The following ZYG11B variants were observed in gnomAD, a reference collection of about 807,000 sequenced individuals.
ZYG11B encodes protein zyg-11 homolog B.
ZYG11B carries 36 observed loss-of-function variants against 82.4 expected under a neutral mutation model. The ratio of observed to expected loss-of-function variants is 0.44; its 90% CI spans 0.33 to 0.58. The LOEUF (loss-of-function observed/expected upper bound fraction) is 0.58. Ranked by LOEUF, ZYG11B falls within the 20% of genes least tolerant of loss-of-function variation. ZYG11B has a pLI of 0.02. For missense variants in ZYG11B, 552 were observed against 895.6 expected, an observed-to-expected ratio of 0.62 and a Z score of 4.90; for synonymous variants, 303 against 312.8, an observed-to-expected ratio of 0.97 and a Z score of 0.33.
Position 52,785,602 on chromosome 1 carries a change from G to A in ZYG11B, c.1269+549G>A, listed in dbSNP as rs148387876. Among the ~76,000 whole-genome samples, 1,280 of 152,112 alleles carry A rather than the reference G, an allele frequency of 8.4e-3. 17 individuals are homozygous for A. In the Middle Eastern group the frequency reaches 0.13, roughly 15 times the overall value. On this transcript the variant is annotated intron_variant, in intron 5 of 13. Transcript: ENST00000294353. ...CTCCCAAGTAGCTGGGATTACAGGC[G>A]CGCACCACCACACCCAACTAATTTT...
intron 10 of ZYG11B, among the ~76,000 whole-genome samples, chr1:52,805,947 A>AT (rs1645138634): frequency 6.6e-6 from 1 of 152,190 alleles, no homozygotes; most frequent in South Asian, 2.1e-4. Context: ...GCAAAACTGT[A>AT]TTTAACATCC....
intron 1 of ZYG11B, among the ~76,000 whole-genome samples, chr1:52,745,593 C>G (rs542903697): frequency 6.6e-6 from 1 of 152,114 alleles, no homozygotes; most frequent in Non-Finnish European, 1.5e-5. Context: ...GTTATGGAGT[C>G]TCACTCTGTT....
intron 1 of ZYG11B, among the ~76,000 whole-genome samples, chr1:52,745,123 A>G (rs1644465341): frequency 6.6e-6 from 1 of 152,230 alleles, no homozygotes; most frequent in Non-Finnish European, 1.5e-5. Flanking sequence ...TGGCTCTGGC[A>G]ATACAGTAAC....
intron 13 of ZYG11B, among the ~76,000 whole-genome samples, chr1:52,817,514 T>C (rs2149967243): frequency 6.6e-6 from 1 of 151,312 alleles, no homozygotes; most frequent in Non-Finnish European, 1.5e-5. Flanking sequence ...CCTCAGCTTG[T>C]AGCTAGGACT....
chr1:52,755,471 A>G (rs1644566431), intron 1 of ZYG11B, among the ~76,000 whole-genome samples: 1 of 151,920 alleles, frequency 6.6e-6, no homozygotes, highest in African/African-American at 2.4e-5. Flanking sequence ...TAGGTGTTGC[A>G]TTTCCATATG....
At chr1:52,821,352 A>G (rs1645281607) in intron 13 of ZYG11B, 87 bp from the exon 14 acceptor site, 6 of 1,407,270 alleles carry the variant, frequency 4.3e-6, no homozygotes, top group East Asian at 2.4e-5. Flanking sequence ...AATGGCTCCT[A>G]GAAGTCATTT....
At chr1:52,778,949 G>T (rs901130629) in intron 3 of ZYG11B, among the ~76,000 whole-genome samples, 3 of 152,056 alleles carry the variant, frequency 2.0e-5, no homozygotes, top group African/African-American at 7.2e-5. Context: ...AGCTATTGTG[G>T]TACAATGGTG....
At chr1:52,753,424 C>CT (rs3082846) in intron 1 of ZYG11B, among the ~76,000 whole-genome samples, 55,093 of 137,202 alleles carry the variant, frequency 0.4, 13,173 homozygotes, top group Non-Finnish European at 0.56. Context: ...TGTTGTTGTT[C>CT]TTTTTTTTTT....
intron 2 of ZYG11B, among the ~76,000 whole-genome samples, chr1:52,762,566 C>T (rs996634605): frequency 6.6e-6 from 1 of 151,496 alleles, no homozygotes; most frequent in Non-Finnish European, 1.5e-5. Context: ...GAAGTGTTTC[C>T]ACTATATTTT....
At chr1:52,764,498 G>C (rs1644664295) in intron 2 of ZYG11B, among the ~76,000 whole-genome samples, 1 of 152,042 alleles carries the variant, frequency 6.6e-6, no homozygotes, top group East Asian at 1.9e-4. Flanking sequence ...CTGAGTCCTG[G>C]TTCCAACATT....
At chr1:52,759,069 C>T (rs1262031361) in intron 2 of ZYG11B, among the ~76,000 whole-genome samples, 3 of 151,994 alleles carry the variant, frequency 2.0e-5, no homozygotes, top group East Asian at 1.9e-4. Context: ...GTAGCTGGGA[C>T]TACAGGTGCC....
At chr1:52,819,940 G>A (rs1387460134) in intron 13 of ZYG11B, among the ~76,000 whole-genome samples, 6 of 148,652 alleles carry the variant, frequency 4.0e-5, no homozygotes, top group African/African-American at 1.2e-4. Context: ...TTTTTGAGAC[G>A]GAGTCTTGCT....
intron 10 of ZYG11B, among the ~76,000 whole-genome samples, chr1:52,812,962 C>T (rs1287137939): frequency 6.6e-6 from 1 of 152,124 alleles, no homozygotes; most frequent in East Asian, 1.9e-4. Flanking sequence ...CCCAACCTCT[C>T]AGGTATGAGC....
chr1:52,738,427 C>T (rs1171851572), intron 1 of ZYG11B, among the ~76,000 whole-genome samples: 5 of 151,924 alleles, frequency 3.3e-5, no homozygotes, highest in East Asian at 1.9e-4. Context: ...GTGATCTGCC[C>T]GCCTCGGCCT....
intron 10 of ZYG11B, among the ~76,000 whole-genome samples, chr1:52,803,568 T>C (rs1386454787): frequency 1.3e-5 from 2 of 151,994 alleles, no homozygotes; most frequent in South Asian, 2.1e-4. Flanking sequence ...TTTTTTGGTA[T>C]TGTACAAAGT....
At chr1:52,766,838 C>G (rs1383263820) in intron 2 of ZYG11B, among the ~76,000 whole-genome samples, 2 of 152,016 alleles carry the variant, frequency 1.3e-5, no homozygotes, top group Non-Finnish European at 2.9e-5. Context: ...GAAACCCCGT[C>G]TCTACTAAAA....
chr1:52,728,720 C>T (rs1644304562), intron 1 of ZYG11B, among the ~76,000 whole-genome samples: 1 of 152,080 alleles, frequency 6.6e-6, no homozygotes, highest in African/African-American at 2.4e-5. Flanking sequence ...TTATGAACTC[C>T]CCTTTGAGGT....
chr1:52,811,347 A>G (rs1328638257), intron 10 of ZYG11B, among the ~76,000 whole-genome samples: 1 of 152,126 alleles, frequency 6.6e-6, no homozygotes, highest in Non-Finnish European at 1.5e-5. Context: ...TGCTTCTTCT[A>G]TGACTTCAGT....
intron 1 of ZYG11B, among the ~76,000 whole-genome samples, chr1:52,751,490 C>T (rs1409905725): frequency 2.6e-5 from 4 of 151,940 alleles, no homozygotes; most frequent in African/African-American, 7.3e-5. Context: ...ATTAGCTGGG[C>T]GTGGTGGCAT....
Sources: allele counts gnomAD v4.1 joint callset (sites outside exome capture counted in the v4.1 genomes callset), GRCh38; gene constraint gnomAD v4.1.1; transcripts MANE v1.5; gene names NCBI Gene and HGNC (gene_info 2026-07-23, HGNC 2026-07-21).